ABCG2: variants seen among roughly 807,000 people sequenced by gnomAD.
The protein encoded by ABCG2 is broad substrate specificity ATP-binding cassette transporter ABCG2.
Under a neutral mutation model 73.5 loss-of-function variants are expected in ABCG2, and 80 were observed. The ratio of observed to expected loss-of-function variants is 1.09; its 90% CI spans 0.91 to 1.31. The LOEUF (loss-of-function observed/expected upper bound fraction) is 1.31, where lower values mean the gene tolerates loss of function less well. ABCG2 is among the 50% of genes most tolerant of loss of function. The pLI is 0.00. For synonymous variants in ABCG2, 269 were observed against 282.4 expected (o/e 0.95, Z 0.48); for missense variants, 796 against 786.2 (o/e 1.01, Z -0.15).
chr4:88,166,167 A>C (rs1233698745), intron 1 of ABCG2, among the ~76,000 whole-genome samples: 1 of 152,162 alleles, frequency 6.6e-6, no homozygotes, highest in South Asian at 2.1e-4. Flanking sequence ...TATTTGACTA[A>C]AGCCAGAGCT....
intron 1 of ABCG2, among the ~76,000 whole-genome samples, chr4:88,155,428 G>A (rs1051106252): frequency 6.6e-6 from 1 of 152,186 alleles, no homozygotes; most frequent in African/African-American, 2.4e-5. Context: ...GAGCCAGGAT[G>A]AGCCAGAAGG....
In ABCG2 at chr4:88,091,919, C is replaced by T. The variant is rs1050458763; in HGVS notation, c.*315G>A. The T allele has an allele frequency of 1.4e-5, 3 of 217,842 alleles. No homozygotes were observed. The highest frequency in any genetic ancestry group is 1.0e-4 in the Admixed American group (2 of 19,292). 13.5% of individuals were successfully genotyped at this position (217,842 alleles called of 1,614,324 possible). ...CATTTTAAAGATGAGGAAACAAATGCCAGAGACAGTAATAACTTGTCAGGA... is the reference window on the plus strand; with the variant it reads ...CATTTTAAAGATGAGGAAACAAATGTCAGAGACAGTAATAACTTGTCAGGA... On this transcript the variant is annotated 3_prime_UTR_variant, in exon 16 of 16. Coordinates refer to ENST00000237612, the MANE Select transcript of ABCG2 (RefSeq NM_004827.3).
At chr4:88,169,763 GT>G (rs1318155593) in intron 1 of ABCG2, among the ~76,000 whole-genome samples, 3 of 152,094 alleles carry the variant, frequency 2.0e-5, no homozygotes, top group African/African-American at 2.4e-5. Flanking sequence ...ATTAAGCAAT[GT>G]TTTTTTGAGG....
chr4:88,115,911 A>G (rs1179871472), intron 7 of ABCG2, among the ~76,000 whole-genome samples: 6 of 152,160 alleles, frequency 3.9e-5, no homozygotes, highest in Admixed American at 3.9e-4. Flanking sequence ...TCAGAGGTCC[A>G]GCGCTGGGTG....
At chr4:88,170,773 C>G (rs963789651) in intron 1 of ABCG2, among the ~76,000 whole-genome samples, 2 of 152,238 alleles carry the variant, frequency 1.3e-5, no homozygotes, top group Admixed American at 6.5e-5. Flanking sequence ...ATTCCACAGG[C>G]AGCGAGCGAC....
rs1392550975 is a variant in ABCG2, at chr4:88,113,309, T to G, written c.1188A>C (p.Ile396=). The stretch of plus-strand genomic sequence containing the variant: ...AAAAGAATCTGCTGGTTACCTGAGC[T>G]ATAGAGGCCTGGGGATTACCCAGCA... ...KNLLGNPQAS[I]AQIIVTVVLG... The change falls in exon 9 of 16, where the codon ATA becomes ATC. Residue 396 remains isoleucine, a synonymous_variant. Coordinates refer to ENST00000237612, the MANE Select transcript of ABCG2 (RefSeq NM_004827.3). The G allele has an allele frequency of 6.2e-7, 1 of 1,613,778 alleles. No individual in the cohort carries two copies. Among genetic ancestry groups the G allele is most frequent in the East Asian group, 2.2e-5 (1 of 44,874 alleles).
intron 1 of ABCG2, among the ~76,000 whole-genome samples, chr4:88,221,275 T>C (rs1374480004): frequency 6.6e-6 from 1 of 151,790 alleles, no homozygotes; most frequent in Non-Finnish European, 1.5e-5. Context: ...TCAAAATAAA[T>C]ACATAAATAA....
upstream of ABCG2, among the ~76,000 whole-genome samples, chr4:88,162,019 G>T (rs1277374114): frequency 1.3e-5 from 2 of 151,738 alleles, no homozygotes; most frequent in East Asian, 3.9e-4. Flanking sequence ...TGATGGGGTT[G>T]TTTGTTTTTT....
At chr4:88,133,666 A>G (rs1047314636) in intron 2 of ABCG2, among the ~76,000 whole-genome samples, 2 of 152,186 alleles carry the variant, frequency 1.3e-5, no homozygotes, top group Non-Finnish European at 2.9e-5. Context: ...ATTTTCTCCT[A>G]AAGATAGCAA....
In ABCG2 at chr4:88,194,819, G is replaced by A. The variant is rs534470608; in HGVS notation, c.-20+36175C>T. Among the ~76,000 whole-genome samples the A allele has an allele frequency of 3.3e-5, 5 of 152,236 alleles. No homozygotes were observed. The South Asian group carries it at 8.3e-4, about 25-fold the overall frequency. Reference sequence around the variant, plus strand: ...AATGTAGCTGGAGTACCAGTAATGGGAGGGAAAATGGTAGGAGACAGGGCA... The same window carrying A: ...AATGTAGCTGGAGTACCAGTAATGGAAGGGAAAATGGTAGGAGACAGGGCA... On this transcript the variant is annotated intron_variant, in intron 1 of 15. Coordinates refer to the ABCG2 transcript ENST00000515655.
At chr4:88,115,431 G>A (rs1004577624) in intron 7 of ABCG2, among the ~76,000 whole-genome samples, 32 of 149,902 alleles carry the variant, frequency 2.1e-4, no homozygotes, top group Admixed American at 2.7e-4. Flanking sequence ...TTAGAAGCAC[G>A]CATGACCACG....
chr4:88,174,459 C>T (rs757912709), intron 1 of ABCG2, among the ~76,000 whole-genome samples: 1 of 152,120 alleles, frequency 6.6e-6, no homozygotes, highest in Non-Finnish European at 1.5e-5. Flanking sequence ...CTGAGAATGA[C>T]GGCTTCCAGC....
intron 1 of ABCG2, among the ~76,000 whole-genome samples, chr4:88,165,739 T>C (rs1439271498): frequency 6.6e-6 from 1 of 152,090 alleles, no homozygotes; most frequent in Non-Finnish European, 1.5e-5. Flanking sequence ...GCGGGCATGG[T>C]GGCATGCGCC....
Position 88,121,665 on chromosome 4 carries a change from G to A in ABCG2, c.659C>T (p.Thr220Ile), listed in dbSNP as rs374342726. Residue 220 changes from threonine to isoleucine, a missense_variant, in exon 6 of 16, where the codon ACA (threonine) becomes ATA (isoleucine). Coordinates refer to ENST00000237612, the MANE Select transcript of ABCG2 (RefSeq NM_004827.3). ...DEPTTGLDSS[T>I]ANAVLLLLKR... ...CAGGAGCAAAAGGACAGCATTTGCT[G>A]TGCTTGAGTCTAAGCCAGTTGTAGG... 15 of 1,613,954 alleles carry A rather than the reference G, an allele frequency of 9.3e-6. No homozygotes were observed. The highest frequency in any genetic ancestry group is 1.3e-5 in the Non-Finnish European group (15 of 1,179,992).
At chr4:88,147,346 G>A (rs2725246) in intron 1 of ABCG2, among the ~76,000 whole-genome samples, 62,513 of 152,086 alleles carry the variant, frequency 0.41, 13,829 homozygotes, top group East Asian at 0.67. Flanking sequence ...TTAGATAACA[G>A]CTTTAACAAT....
chr4:88,149,479 A>G (rs766631456), intron 1 of ABCG2, among the ~76,000 whole-genome samples: 1 of 152,192 alleles, frequency 6.6e-6, no homozygotes, highest in Non-Finnish European at 1.5e-5. Context: ...GTGGGGTTTC[A>G]GCTCCTTCTC....
At chr4:88,120,606 C>T (rs561008317) in intron 6 of ABCG2, among the ~76,000 whole-genome samples, 4 of 152,272 alleles carry the variant, frequency 2.6e-5, no homozygotes, top group South Asian at 4.1e-4. Context: ...TTCGGACTTG[C>T]GTGGGACCTG....
At chr4:88,094,490 G>C (rs929107388) in intron 15 of ABCG2, 87 bp downstream of exon 15, 6 of 1,138,566 alleles carry the variant, frequency 5.3e-6, no homozygotes, top group Non-Finnish European at 7.8e-6. Flanking sequence ...GCCCCTGGAA[G>C]GACTCATACA....
intron 1 of ABCG2, among the ~76,000 whole-genome samples, chr4:88,224,685 T>C (rs1289050328): frequency 6.6e-6 from 1 of 152,086 alleles, no homozygotes; most frequent in Non-Finnish European, 1.5e-5. Flanking sequence ...TGCATAAAAG[T>C]TTTAAATTTT....
Sources: allele counts gnomAD v4.1 joint callset (sites outside exome capture counted in the v4.1 genomes callset), GRCh38; gene constraint gnomAD v4.1.1; transcripts MANE v1.5; gene names NCBI Gene and HGNC (gene_info 2026-07-23, HGNC 2026-07-21).